Variants in MAPKAP1 observed in about 807,000 individuals in gnomAD.
The protein encoded by MAPKAP1 is target of rapamycin complex 2 subunit MAPKAP1.
A neutral mutation model predicts 65.7 loss-of-function variants in MAPKAP1; 20 were observed. That is an observed-to-expected ratio of 0.30 (90% CI 0.21 to 0.44). MAPKAP1 has a LOEUF of 0.44. Among genes scored for constraint, MAPKAP1 ranks in the 20% least tolerant of loss-of-function variants. The pLI is 1.00. For synonymous variants in MAPKAP1, 222 were observed against 244.3 expected (o/e 0.91, Z 0.85); for missense variants, 423 against 648.0 (o/e 0.65, Z 3.77).
intron 4 of MAPKAP1, among the ~76,000 whole-genome samples, chr9:125,638,063 C>T (rs961647027): frequency 5.9e-5 from 9 of 152,042 alleles, no homozygotes; most frequent in African/African-American, 1.7e-4. Flanking sequence ...TGAGCCCCCA[C>T]GCCCAGCTGG....
chr9:125,485,965 G>A (rs1000426807), intron 8 of MAPKAP1, among the ~76,000 whole-genome samples: 14 of 152,180 alleles, frequency 9.2e-5, no homozygotes, highest in African/African-American at 2.4e-4. Context: ...ATATTCAGCC[G>A]TGTGCTAGAA....
At chr9:125,589,218 A>C (rs111376320) in intron 4 of MAPKAP1, among the ~76,000 whole-genome samples, 1 of 151,532 alleles carries the variant, frequency 6.6e-6, no homozygotes, top group Non-Finnish European at 1.5e-5. Context: ...CACTGTTAAC[A>C]CTCCTTTTGC....
intron 1 of MAPKAP1, among the ~76,000 whole-genome samples, chr9:125,697,867 T>C (rs142771445): frequency 1.3e-5 from 2 of 152,068 alleles, no homozygotes; most frequent in African/African-American, 2.4e-5. Context: ...TGAGTATTAG[T>C]ATTTTCATCA....
intron 1 of MAPKAP1, among the ~76,000 whole-genome samples, chr9:125,676,613 A>T (rs1265623411): frequency 6.6e-6 from 1 of 152,238 alleles, no homozygotes. Flanking sequence ...GAGCTGGAGG[A>T]AGGTAGTAAT....
chr9:125,621,276 A>C lies in MAPKAP1; in HGVS notation c.499-35549T>G, dbSNP rs141190256. 5.1e-3 allele frequency among the ~76,000 whole-genome samples: 783 copies of C among 152,222 alleles called. 6 individuals carry two copies. Among genetic ancestry groups the C allele is most frequent in the East Asian group, 0.018 (92 of 5,182 alleles). On this transcript the variant is annotated intron_variant, in intron 4 of 11. Transcript: ENST00000265960. Reference sequence around the variant, plus strand: ...GCCAAAGCAAGACACTTTCTCAAAAAAAAAACAAAAACAAAAACAAACCAC... The same window carrying C: ...GCCAAAGCAAGACACTTTCTCAAAACAAAAACAAAAACAAAAACAAACCAC...
intron 4 of MAPKAP1, among the ~76,000 whole-genome samples, chr9:125,621,015 T>G (rs909895343): frequency 6.6e-6 from 1 of 152,138 alleles, no homozygotes; most frequent in South Asian, 2.1e-4. Flanking sequence ...CTGATGCCTT[T>G]AATCCCAGTA....
At chr9:125,619,398 A>G (rs1832832518) in intron 4 of MAPKAP1, among the ~76,000 whole-genome samples, 1 of 151,996 alleles carries the variant, frequency 6.6e-6, no homozygotes, top group Admixed American at 6.6e-5. Flanking sequence ...AATAGCTTGA[A>G]CCCGGGAGGC....
chr9:125,455,818 C>A (rs72767087), intron 10 of MAPKAP1, among the ~76,000 whole-genome samples: 9,705 of 152,288 alleles, frequency 0.064, 541 homozygotes, highest in Admixed American at 0.12. Flanking sequence ...TTTCTTGGTT[C>A]ATTCCATATC....
intron 9 of MAPKAP1, among the ~76,000 whole-genome samples, chr9:125,480,067 C>A (rs961879418): frequency 6.6e-6 from 1 of 152,128 alleles, no homozygotes; most frequent in Non-Finnish European, 1.5e-5. Context: ...GGCAGTAGAA[C>A]GTCTCAGGAA....
intron 1 of MAPKAP1, among the ~76,000 whole-genome samples, chr9:125,677,214 G>T (rs141254478): frequency 6.6e-6 from 1 of 152,030 alleles, no homozygotes; most frequent in South Asian, 2.1e-4. Context: ...CGAGGCGGGC[G>T]GATCACTTGT....
At position 125,438,670 on chromosome 9, in the gene MAPKAP1, A is replaced by G. The variant is rs759256885; in HGVS notation, c.*217T>C. On this transcript the variant is annotated 3_prime_UTR_variant, in exon 12 of 12. Coordinates refer to ENST00000265960, the MANE Select transcript of MAPKAP1 (RefSeq NM_001006617.3). ...TCTGACCCCCAAGCATCGCTTATCAAAGCCACTGCCAAGCAGACTTCCGTC... is the reference window on the plus strand; with the variant it reads ...TCTGACCCCCAAGCATCGCTTATCAGAGCCACTGCCAAGCAGACTTCCGTC... 4 of 552,404 alleles carry G rather than the reference A, an allele frequency of 7.2e-6. No individual in the cohort carries two copies. Among genetic ancestry groups the G allele is most frequent in the Non-Finnish European group, 1.3e-5 (4 of 319,394 alleles). The allele number at this position is 552,404 out of a possible 1,614,324, so 34.2% of individuals were successfully genotyped here.
chr9:125,661,385 C>T (rs376552068), intron 3 of MAPKAP1, among the ~76,000 whole-genome samples: 1 of 152,198 alleles, frequency 6.6e-6, no homozygotes, highest in Non-Finnish European at 1.5e-5. Flanking sequence ...TCTGCGGTGC[C>T]ATTTGCAAAA....
Position 125,667,923 on chromosome 9 carries a change from CA to C in MAPKAP1, c.349+1894del, listed in dbSNP as rs532215436. 7.2e-5 allele frequency among the ~76,000 whole-genome samples: 11 copies of C among 152,126 alleles called. No individual in the cohort carries two copies. The South Asian group carries it at 1.9e-3, about 26-fold the overall frequency. On this transcript the variant is annotated intron_variant, in intron 3 of 11. Coordinates refer to ENST00000265960, the MANE Select transcript of MAPKAP1 (RefSeq NM_001006617.3). The stretch of plus-strand genomic sequence containing the variant: ...TATTTTCAGTTTGTATTAAATACAA[CA>C]AAGAGAAACATTAACTTGATCAACA...
intron 4 of MAPKAP1, among the ~76,000 whole-genome samples, chr9:125,619,886 T>A (rs539757575): frequency 1.4e-4 from 22 of 152,176 alleles, no homozygotes; most frequent in African/African-American, 4.8e-4. Flanking sequence ...AATATATTTT[T>A]AAAAAAATCT....
At chr9:125,469,194 T>C (rs1352929511) in intron 9 of MAPKAP1, among the ~76,000 whole-genome samples, 1 of 152,054 alleles carries the variant, frequency 6.6e-6, no homozygotes, top group East Asian at 1.9e-4. Flanking sequence ...AATGAAGATA[T>C]AAGAAATAAT....
rs551734537 is a variant in MAPKAP1 at position 125,607,118 on chromosome 9, C to T, written c.499-21391G>A. On this transcript the variant is annotated intron_variant, in intron 4 of 11. Coordinates refer to ENST00000265960, the MANE Select transcript of MAPKAP1 (RefSeq NM_001006617.3). The stretch of plus-strand genomic sequence containing the variant: ...ATGGCATAGTAGATACTCTGGCATA[C>T]AGCAAACACTCCAATAGTTTCTATT... Among the ~76,000 whole-genome samples the T allele has an allele frequency of 2.3e-3, 348 of 152,276 alleles. 2 individuals are homozygous for T. Among genetic ancestry groups the T allele is most frequent in the Non-Finnish European group, 4.2e-3 (283 of 68,020 alleles).
chr9:125,653,779 A>C (rs1833957302), intron 4 of MAPKAP1, among the ~76,000 whole-genome samples: 1 of 152,214 alleles, frequency 6.6e-6, no homozygotes, highest in Non-Finnish European at 1.5e-5. Flanking sequence ...TAGATGCTTC[A>C]TCCTAGCATT....
chr9:125,523,863 C>A (rs951205955), intron 7 of MAPKAP1, among the ~76,000 whole-genome samples: 7 of 152,236 alleles, frequency 4.6e-5, no homozygotes, highest in African/African-American at 1.7e-4. Flanking sequence ...CCTTATGGCC[C>A]CCCACTGCTG....
chr9:125,462,124 GCA>G (rs1853519568), intron 10 of MAPKAP1, among the ~76,000 whole-genome samples: 2 of 152,212 alleles, frequency 1.3e-5, no homozygotes, highest in Non-Finnish European at 2.9e-5. Flanking sequence ...AAGCAAGAGC[GCA>G]CATGCGTGTG....
Sources: allele counts gnomAD v4.1 joint callset (sites outside exome capture counted in the v4.1 genomes callset), GRCh38; gene constraint gnomAD v4.1.1; transcripts MANE v1.5; gene names NCBI Gene and HGNC (gene_info 2026-07-23, HGNC 2026-07-21).